UBE2E2: variants seen among roughly 807,000 people sequenced by gnomAD.
The protein encoded by UBE2E2 is ubiquitin-conjugating enzyme E2 E2.
UBE2E2 carries 6 observed loss-of-function variants against 24.7 expected under a neutral mutation model. The ratio of observed to expected loss-of-function variants is 0.24; its 90% CI spans 0.13 to 0.48. The LOEUF (loss-of-function observed/expected upper bound fraction) is 0.48, where lower values mean the gene tolerates loss of function less well. Among genes scored for constraint, UBE2E2 ranks in the 20% least tolerant of loss-of-function variants. UBE2E2 has a pLI of 0.99. For missense variants in UBE2E2, 169 were observed against 245.0 expected (o/e 0.69, Z 2.07); for synonymous variants, 104 against 83.6 (o/e 1.24, Z -1.33).
At chr3:23,237,386 C>G (rs770009720) in intron 3 of UBE2E2, among the ~76,000 whole-genome samples, 1 of 152,102 alleles carries the variant, frequency 6.6e-6, no homozygotes, top group Non-Finnish European at 1.5e-5. Context: ...TTATTTTTCT[C>G]TAAAATGGTA....
chr3:23,389,669 G>T, intron 3 of UBE2E2: 1 of 262,668 alleles, frequency 3.8e-6, no homozygotes. Flanking sequence ...CACTAGTCGT[G>T]GCTGGCTTTG....
At chr3:23,310,653 G>A (rs1331647562) in intron 3 of UBE2E2, among the ~76,000 whole-genome samples, 1 of 152,096 alleles carries the variant, frequency 6.6e-6, no homozygotes, top group Non-Finnish European at 1.5e-5. Context: ...GGAGACTGAG[G>A]CAGGAGGATC....
chr3:23,343,813 C>T (rs962339506), intron 3 of UBE2E2, among the ~76,000 whole-genome samples: 1 of 152,162 alleles, frequency 6.6e-6, no homozygotes, highest in African/African-American at 2.4e-5. Context: ...TGGAATTATA[C>T]AGTACTACTT....
At chr3:23,576,568 T>C (rs964079132) in intron 5 of UBE2E2, among the ~76,000 whole-genome samples, 5 of 152,236 alleles carry the variant, frequency 3.3e-5, no homozygotes, top group Non-Finnish European at 5.9e-5. Flanking sequence ...AATCTATTTA[T>C]AATGCTAGTG....
chr3:23,341,993 A>G (rs1695401544), intron 3 of UBE2E2, among the ~76,000 whole-genome samples: 2 of 152,210 alleles, frequency 1.3e-5, no homozygotes, highest in South Asian at 4.1e-4. Context: ...AGTAAAAGAG[A>G]ACAAACATTT....
At chr3:23,352,204 T>C (rs13323100) in intron 3 of UBE2E2, among the ~76,000 whole-genome samples, 6,887 of 151,772 alleles carry the variant, frequency 0.045, 537 homozygotes, top group African/African-American at 0.16. Flanking sequence ...AGACACAACA[T>C]ACCAGAATCT....
chr3:23,575,497 A>G (rs1485630839), intron 5 of UBE2E2, among the ~76,000 whole-genome samples: 3 of 152,192 alleles, frequency 2.0e-5, no homozygotes, highest in African/African-American at 7.2e-5. Context: ...AAAATGGACT[A>G]AGGACATGAA....
intron 4 of UBE2E2, among the ~76,000 whole-genome samples, chr3:23,513,905 A>C (rs1286799132): frequency 1.3e-5 from 2 of 151,936 alleles, no homozygotes; most frequent in African/African-American, 4.8e-5. Context: ...AAACCTATGG[A>C]TGTAGTATTT....
At chr3:23,490,915 A>C (rs1459726530) in intron 3 of UBE2E2, among the ~76,000 whole-genome samples, 1 of 152,144 alleles carries the variant, frequency 6.6e-6, no homozygotes, top group South Asian at 2.1e-4. Flanking sequence ...GTAAAGTGTG[A>C]TTGAGGGTAA....
At chr3:23,492,835 A>G (rs1256833419) in intron 3 of UBE2E2, among the ~76,000 whole-genome samples, 4 of 152,166 alleles carry the variant, frequency 2.6e-5, no homozygotes, top group East Asian at 1.9e-4. Context: ...AGTGTGAGCT[A>G]TGTATGTAAT....
intron 5 of UBE2E2, among the ~76,000 whole-genome samples, chr3:23,542,342 A>G (rs1695413756): frequency 6.6e-6 from 1 of 152,202 alleles, no homozygotes; most frequent in South Asian, 2.1e-4. Flanking sequence ...TTAATCATAT[A>G]TGAGTTCAAA....
At chr3:23,469,135 G>A (rs1249979951) in intron 3 of UBE2E2, among the ~76,000 whole-genome samples, 2 of 152,154 alleles carry the variant, frequency 1.3e-5, no homozygotes, top group Non-Finnish European at 2.9e-5. Flanking sequence ...TTGGGTTCTG[G>A]TGGGTTCTCT....
At chr3:23,582,865 G>GTA (rs1367201698) in intron 5 of UBE2E2, among the ~76,000 whole-genome samples, 3,263 of 136,622 alleles carry the variant, frequency 0.024, 126 homozygotes, top group African/African-American at 0.084. Context: ...TGTTGAGTGT[G>GTA]TGTGTGTGTG....
rs1024091192 is a variant in UBE2E2 at position 23,281,000 on chromosome 3, C to G, written c.227+63688C>G. On this transcript the variant is annotated intron_variant, in intron 3 of 5. Transcript: ENST00000396703. The surrounding 1 kb of genome is among the most constrained non-coding windows in gnomAD (Gnocchi z 4.3). ...TTTGCAGACAGTCTTCTCATTGTATCCTCACTTGCTGGAGAAAGAAAGACC... is the reference window on the plus strand; with the variant it reads ...TTTGCAGACAGTCTTCTCATTGTATGCTCACTTGCTGGAGAAAGAAAGACC... Among the ~76,000 whole-genome samples the G allele has an allele frequency of 4.6e-5, 7 of 152,182 alleles. No homozygotes were observed. The highest frequency in any genetic ancestry group is 1.0e-4 in the Non-Finnish European group (7 of 68,034).
chr3:23,244,135 G>GAAAA (rs11381346), intron 3 of UBE2E2, among the ~76,000 whole-genome samples: 1 of 147,028 alleles, frequency 6.8e-6, no homozygotes, highest in African/African-American at 2.5e-5. Context: ...ATTTCATTTG[G>GAAAA]AAAAAAAAAA....
intron 3 of UBE2E2, among the ~76,000 whole-genome samples, chr3:23,365,005 A>G (rs1177217877): frequency 6.6e-6 from 1 of 152,206 alleles, no homozygotes; most frequent in Non-Finnish European, 1.5e-5. Flanking sequence ...ACAAAAACAG[A>G]ATTATAAACA....
intron 5 of UBE2E2, among the ~76,000 whole-genome samples, chr3:23,568,622 TATATATATGTATACATATATACGCAC>T (rs202141178): frequency 2.6e-4 from 28 of 106,678 alleles, no homozygotes; most frequent in Admixed American, 5.5e-4. Flanking sequence ...TACACACACA[TATATATATGTATACATATATACGCAC>T]ATATATGTAT....
chr3:23,301,892 C>T (rs1285334612), intron 3 of UBE2E2, among the ~76,000 whole-genome samples: 1 of 140,620 alleles, frequency 7.1e-6, no homozygotes, highest in Non-Finnish European at 1.5e-5. Flanking sequence ...ATTCGGCCAT[C>T]TTGGCTCCTC....
intron 3 of UBE2E2, among the ~76,000 whole-genome samples, chr3:23,425,803 C>T (rs1156544999): frequency 6.6e-6 from 1 of 152,040 alleles, no homozygotes; most frequent in Non-Finnish European, 1.5e-5. Flanking sequence ...GCCCTATTTT[C>T]TGCAGTTCCT....
Sources: gnomAD v4.1 joint callset for allele counts (sites outside exome capture counted in the v4.1 genomes callset) on GRCh38, gnomAD v4.1.1 for gene constraint, Gnocchi (gnomAD v3.1) non-coding constraint, MANE v1.5 for transcripts, NCBI Gene and HGNC (gene_info 2026-07-23, HGNC 2026-07-21) for gene names.